The following OTOG variants were observed in gnomAD, a reference collection of about 807,000 sequenced individuals.
OTOG encodes the protein otogelin.
In OTOG, 296 loss-of-function variants were observed where a neutral mutation model predicts 313.8. The ratio of observed to expected loss-of-function variants is 0.94; its 90% CI spans 0.86 to 1.04. The LOEUF (loss-of-function observed/expected upper bound fraction) is 1.04. Among genes scored for constraint, OTOG ranks in the 50% least tolerant of loss-of-function variants. The pLI is 0.00. For missense variants in OTOG, 3,948 were observed against 3,840.1 expected (o/e 1.03, Z -0.74); for synonymous variants, 1,533 against 1,554.9 (o/e 0.99, Z 0.33).
chr11:17,619,529 A>C (rs1293632662), intron 39 of OTOG, among the ~76,000 whole-genome samples: 1 of 151,422 alleles, frequency 6.6e-6, no homozygotes, highest in Non-Finnish European at 1.5e-5. Context: ...TTCATCTCCA[A>C]TGTTGGATTA....
intron 52 of OTOG, 66 bp from the exon 53 acceptor site, chr11:17,642,061 C>A (rs1847986804): frequency 6.6e-7 from 1 of 1,519,410 alleles, no homozygotes; most frequent in Non-Finnish European, 8.9e-7. Flanking sequence ...GGCTCCCAGA[C>A]CCTATGGGTT....
Position 17,646,006 on chromosome 11 carries a change from C to T in OTOG, c.*62C>T. The T allele has an allele frequency of 1.3e-6, 2 of 1,494,070 alleles. No individual in the cohort carries two copies. Among genetic ancestry groups the T allele is most frequent in the Non-Finnish European group, 1.8e-6 (2 of 1,106,258 alleles). The allele number at this position is 1,494,070 out of a possible 1,614,324, so 92.6% of individuals were successfully genotyped here. On this transcript the variant is annotated 3_prime_UTR_variant, in exon 56 of 56. Coordinates refer to ENST00000399397, the MANE Select transcript of OTOG (RefSeq NM_001292063.2). ...AGCCCCACTTTCTGTTTCCAGCTGG[C>T]CCAATGTGAATGGGGGTATTAAAGG...
At chr11:17,552,284 G>A (rs563250050) in intron 4 of OTOG, among the ~76,000 whole-genome samples, 1 of 152,174 alleles carries the variant, frequency 6.6e-6, no homozygotes, top group East Asian at 1.9e-4. Context: ...CTAGAGTCCT[G>A]TTCCTATGAC....
intron 32 of OTOG, 129 bp downstream of exon 32, chr11:17,602,506 C>A: frequency 9.2e-7 from 1 of 1,082,156 alleles, no homozygotes; most frequent in Non-Finnish European, 1.3e-6. Context: ...TGCCCCTCTC[C>A]CAGTTGAGAT....
At chr11:17,547,527 T>C (rs879762312) in intron 1 of OTOG, 61 bp downstream of exon 1, 10 of 1,291,490 alleles carry the variant, frequency 7.7e-6, no homozygotes, top group Admixed American at 3.8e-5. Flanking sequence ...GTTAAAGGAA[T>C]GAGGAATGGG....
At chr11:17,638,327 A>T in intron 47 of OTOG, 124 bp from the exon 48 acceptor site, 1 of 809,984 alleles carries the variant, frequency 1.2e-6, no homozygotes, top group Non-Finnish European at 1.9e-6. Context: ...TGGGGCTCTG[A>T]GGACAGTGGG....
Position 17,633,712 on chromosome 11 carries a change from G to T in OTOG, c.7105G>T (p.Ala2369Ser). ...FLCSSDSTYQ[A>S]CVTACEPPKT... is the part of the protein sequence containing the mutation. The stretch of plus-strand genomic sequence containing the variant: ...GTGCTCCAGCGACTCCACATACCAG[G>T]CATGTGTGACAGCCTGTGAGCCACC... The change falls in exon 43 of 56, where the codon GCA (alanine) becomes TCA (serine). Residue 2369 changes from alanine (A) to serine (S), a missense_variant. By Grantham distance (99) the Ala-to-Ser change is moderately conservative. Transcript: ENST00000399397. 6.5e-7 allele frequency: 1 copy of T among 1,548,172 alleles called. No individual in the cohort carries two copies.
chr11:17,617,618 A>G (rs1162832432), intron 39 of OTOG, among the ~76,000 whole-genome samples: 1 of 152,186 alleles, frequency 6.6e-6, no homozygotes. Context: ...TATTCTTGCT[A>G]TACTTTTAAT....
chr11:17,631,805 C>T lies in OTOG; in HGVS notation c.6816C>T (p.Pro2272=). 6.4e-7 allele frequency: 1 copy of T among 1,550,650 alleles called. No individual in the cohort carries two copies. The highest frequency in any genetic ancestry group is 8.7e-7 in the Non-Finnish European group (1 of 1,147,004). The stretch of plus-strand genomic sequence containing the variant: ...CCTTTCTGGACAGCTGGCAGGTGCC[C>T]AGCTCCCTGACCTCAGTGGGCCAGA... ...PAPFLDSWQV[P]SSLTSVGQTR... is the part of the protein sequence containing the mutation. The change falls in exon 41 of 56, where the codon CCC becomes CCT. Residue 2272 remains proline, a synonymous_variant. Coordinates refer to ENST00000399397, the MANE Select transcript of OTOG (RefSeq NM_001292063.2).
At chr11:17,563,033 T>C (rs1852222036) in intron 15 of OTOG, among the ~76,000 whole-genome samples, 1 of 152,210 alleles carries the variant, frequency 6.6e-6, no homozygotes, top group Admixed American at 6.5e-5. Flanking sequence ...GTTGTTGTTT[T>C]ACTTGGGCAC....
chr11:17,587,507 G>A lies in OTOG; in HGVS notation c.2867+926G>A, dbSNP rs567715255. 1.1e-3 allele frequency among the ~76,000 whole-genome samples: 164 copies of A among 152,340 alleles called. 2 individuals carry two copies. Among genetic ancestry groups the A allele is most frequent in the Non-Finnish European group, 1.3e-3 (89 of 68,030 alleles). Reference sequence around the variant, plus strand: ...AGGGCCCAGCAGAGAAGCTCAGAGAGGTTCTATCTCAGAGACCCATCTGGC... The same window carrying A: ...AGGGCCCAGCAGAGAAGCTCAGAGAAGTTCTATCTCAGAGACCCATCTGGC... On this transcript the variant is annotated intron_variant, in intron 24 of 55. Coordinates refer to ENST00000399397, the MANE Select transcript of OTOG (RefSeq NM_001292063.2).
At chr11:17,567,702 T>C (rs1852316903) in intron 15 of OTOG, among the ~76,000 whole-genome samples, 1 of 152,140 alleles carries the variant, frequency 6.6e-6, no homozygotes, top group South Asian at 2.1e-4. Context: ...GTCTTCTTTA[T>C]GCCCTTGAAT....
At chr11:17,626,274 C>G (rs990976981) in intron 39 of OTOG, among the ~76,000 whole-genome samples, 1 of 152,192 alleles carries the variant, frequency 6.6e-6, no homozygotes, top group Non-Finnish European at 1.5e-5. Context: ...CTCCCAGGTT[C>G]AAGTGATTCT....
chr11:17,547,311 C>A lies in OTOG; in HGVS notation c.-62C>A. The A allele has an allele frequency of 7.8e-7, 1 of 1,277,814 alleles. No homozygotes were observed. Among genetic ancestry groups the A allele is most frequent in the Non-Finnish European group, 9.9e-7 (1 of 1,007,458 alleles). 79.2% of individuals were successfully genotyped at this position (1,277,814 alleles called of 1,614,324 possible). A position where few individuals can be genotyped will look rare whatever the true frequency, so the allele number is the denominator to read the frequency against. Reference sequence around the variant, plus strand: ...GAGTGGAGGTGTGACCCTGCCTTAGCCCGGGGAGGCACCTCGGGAGGCTGG... The same window carrying A: ...GAGTGGAGGTGTGACCCTGCCTTAGACCGGGGAGGCACCTCGGGAGGCTGG... On this transcript the variant is annotated 5_prime_UTR_variant, in exon 1 of 56. Coordinates refer to ENST00000399397, the MANE Select transcript of OTOG (RefSeq NM_001292063.2).
chr11:17,634,550 C>T (rs557483286), intron 44 of OTOG, among the ~76,000 whole-genome samples: 1 of 152,294 alleles, frequency 6.6e-6, no homozygotes, highest in African/African-American at 2.4e-5. Flanking sequence ...TTCACATCCT[C>T]TGTGCCTTGG....
At chr11:17,605,336 G>A (rs1466470461) in intron 32 of OTOG, among the ~76,000 whole-genome samples, 2 of 152,194 alleles carry the variant, frequency 1.3e-5, no homozygotes, top group African/African-American at 4.8e-5. Context: ...CTATCTATGA[G>A]TTGGATGAAG....
At chr11:17,622,600 T>A (rs1440503362) in intron 39 of OTOG, among the ~76,000 whole-genome samples, 1 of 152,166 alleles carries the variant, frequency 6.6e-6, no homozygotes, top group Non-Finnish European at 1.5e-5. Flanking sequence ...AGTGAGAACA[T>A]GTTAGGTTTG....
At chr11:17,643,244 C>T (rs1481615482) in intron 53 of OTOG, among the ~76,000 whole-genome samples, 7 of 152,324 alleles carry the variant, frequency 4.6e-5, no homozygotes, top group South Asian at 2.1e-4. Flanking sequence ...CCATCTTGAC[C>T]CAGGCTCCTG....
chr11:17,618,239 C>A (rs980809368), intron 39 of OTOG, among the ~76,000 whole-genome samples: 3 of 152,156 alleles, frequency 2.0e-5, no homozygotes, highest in African/African-American at 7.2e-5. Context: ...ACAATTTTCC[C>A]TGTACGTATT....
Sources: allele counts gnomAD v4.1 joint callset (sites outside exome capture counted in the v4.1 genomes callset), GRCh38; gene constraint gnomAD v4.1.1; transcripts MANE v1.5; gene names NCBI Gene and HGNC (gene_info 2026-07-23, HGNC 2026-07-21).